MIA2: variants seen among roughly 807,000 people sequenced by gnomAD.
MIA2 encodes the protein melanoma inhibitory activity protein 2.
A neutral mutation model predicts 167.8 loss-of-function variants in MIA2; 127 were observed. The observed-to-expected ratio is 0.76, with a 90% CI of 0.66 to 0.88. The LOEUF (loss-of-function observed/expected upper bound fraction) is 0.88. MIA2 is among the 40% of genes least tolerant of loss of function. The probability of loss-of-function intolerance (pLI) is 0.00; values close to 1 mark genes in which losing one functional copy is unlikely to be tolerated. For missense variants in MIA2, 1,690 were observed against 1,624.7 expected (o/e 1.04, Z -0.69); for synonymous variants, 552 against 541.9 (o/e 1.02, Z -0.26).
At chr14:39,263,095 G>C (rs1041480000) in intron 6 of MIA2, among the ~76,000 whole-genome samples, 1 of 152,138 alleles carries the variant, frequency 6.6e-6, no homozygotes, top group Non-Finnish European at 1.5e-5. Flanking sequence ...TCTTGTGCCA[G>C]TTTTCAAAGG....
chr14:39,340,423 C>T (rs2071531012), intron 25 of MIA2, among the ~76,000 whole-genome samples: 1 of 152,176 alleles, frequency 6.6e-6, no homozygotes, highest in Non-Finnish European at 1.5e-5. Context: ...ACAGTTTTGA[C>T]TCTTTCCTTG....
intron 6 of MIA2, among the ~76,000 whole-genome samples, chr14:39,258,061 CTTGGGG>C (rs2054903411): frequency 6.6e-6 from 1 of 152,040 alleles, no homozygotes; most frequent in Non-Finnish European, 1.5e-5. Context: ...GATTATGTGT[CTTGGGG>C]TTGCTCTTCT....
chr14:39,291,164 A>G (rs764159496), intron 10 of MIA2, 68 bp downstream of exon 10: 1 of 1,368,466 alleles, frequency 7.3e-7, no homozygotes. Flanking sequence ...AACTTTAAAA[A>G]TGTATCTTCT....
chr14:39,265,838 A>G (rs894779133), intron 6 of MIA2: 1 of 311,982 alleles, frequency 3.2e-6, no homozygotes, highest in African/African-American at 2.3e-5. Context: ...CTATTCACAT[A>G]ATTTTAATAC....
intron 3 of MIA2, among the ~76,000 whole-genome samples, chr14:39,245,080 C>T (rs1408497551): frequency 3.8e-4 from 4 of 10,526 alleles, no homozygotes; most frequent in Non-Finnish European, 9.2e-4. Context: ...ACCTAGCTAA[C>T]CTTTTTTTTT....
intron 13 of MIA2, among the ~76,000 whole-genome samples, chr14:39,297,442 G>A (rs533620852): frequency 6.6e-6 from 1 of 152,188 alleles, no homozygotes; most frequent in Non-Finnish European, 1.5e-5. Context: ...TATCTGAAGA[G>A]CATTTCCACA....
chr14:39,238,494 A>G (rs1012033624), intron 2 of MIA2, among the ~76,000 whole-genome samples: 3 of 152,096 alleles, frequency 2.0e-5, no homozygotes, highest in Admixed American at 1.3e-4. Flanking sequence ...AGTTTTTTAT[A>G]GAAAAAAATA....
chr14:39,342,289 G>A (rs1196630961), intron 25 of MIA2, among the ~76,000 whole-genome samples: 2 of 151,448 alleles, frequency 1.3e-5, no homozygotes. Context: ...GCGATAGTTT[G>A]CTGAGAATGA....
In MIA2 at chr14:39,247,452, AACTAGC is replaced by A. The variant is rs1555343644; in HGVS notation, c.880_885del (p.Leu294_Ala295del). 6.2e-7 allele frequency: 1 copy of A among 1,614,014 alleles called. No homozygotes were observed. The highest frequency in any genetic ancestry group is 8.5e-7 in the Non-Finnish European group (1 of 1,179,980). On this transcript the variant is annotated inframe_deletion, in exon 4 of 29. Coordinates refer to ENST00000640607, the MANE Select transcript of MIA2 (RefSeq NM_001329214.4). Reference sequence around the variant, plus strand: ...GATTCAGTGCCAAAGACACAGTCTGAACTAGCATCTGAGTCAGAGCACATTCCCAAA... The same window carrying A: ...GATTCAGTGCCAAAGACACAGTCTGAATCTGAGTCAGAGCACATTCCCAAA...
intron 14 of MIA2, among the ~76,000 whole-genome samples, chr14:39,300,198 C>G (rs1411710283): frequency 6.6e-6 from 1 of 151,992 alleles, no homozygotes; most frequent in Non-Finnish European, 1.5e-5. Context: ...TCTGTGTGTC[C>G]TTTTTTCTTC....
downstream of MIA2, among the ~76,000 whole-genome samples, chr14:39,354,178 C>G (rs1256751410): frequency 6.6e-6 from 1 of 152,244 alleles, no homozygotes; most frequent in African/African-American, 2.4e-5. Flanking sequence ...TACAGTCCCA[C>G]TAACAGTGTA....
chr14:39,365,677 A>G (rs1391927478), intron 23 of MIA2, among the ~76,000 whole-genome samples: 2 of 150,828 alleles, frequency 1.3e-5, no homozygotes, highest in Non-Finnish European at 3.0e-5. Flanking sequence ...CTATCTATCT[A>G]TCTATCTATC....
chr14:39,293,220 C>T (rs753399630), intron 10 of MIA2, 51 bp from the exon 11 acceptor site: 27 of 1,205,652 alleles, frequency 2.2e-5, no homozygotes, highest in Non-Finnish European at 2.9e-5. Context: ...GTCTGATTTC[C>T]CTAATGAAAA....
At chr14:39,346,114 T>C in intron 26 of MIA2, 88 bp downstream of exon 26, 2 of 1,125,886 alleles carry the variant, frequency 1.8e-6, no homozygotes, top group Non-Finnish European at 2.6e-6. Context: ...ATATAATTGC[T>C]ATCTCTAGTA....
In MIA2 at chr14:39,368,741, T is replaced by C. The variant is rs569021654; in HGVS notation, c.2249-18144T>C. Among the ~76,000 whole-genome samples the C allele has an allele frequency of 6.5e-4, 99 of 151,862 alleles. 1 individual carries two copies. Among genetic ancestry groups the C allele is most frequent in the African/African-American group, 2.3e-3 (97 of 41,524 alleles). On this transcript the variant is annotated intron_variant, in intron 23 of 23. Transcript: ENST00000341502. ...ATAGGTAATTTAGTCTTTCAACTTT[T>C]GTTCTGAAAATTTTTTTCAATTATA... is the stretch of plus-strand genomic sequence containing the variant.
chr14:39,264,405 A>C (rs1369579709), intron 6 of MIA2, among the ~76,000 whole-genome samples: 2 of 152,228 alleles, frequency 1.3e-5, no homozygotes, highest in Admixed American at 1.3e-4. Flanking sequence ...TGCAATGAAC[A>C]TGAGAGTGCA....
At chr14:39,346,984 CA>C in intron 26 of MIA2, 1 of 229,894 alleles carries the variant, frequency 4.3e-6, no homozygotes, top group Non-Finnish European at 8.7e-6. Flanking sequence ...GACTGGAGTG[CA>C]GTGGCTCCAT....
At chr14:39,275,166 T>TGTGTGTGTGTGTGTGTGTGA (rs2057804325) in intron 6 of MIA2, among the ~76,000 whole-genome samples, 1 of 150,274 alleles carries the variant, frequency 6.7e-6, no homozygotes, top group Non-Finnish European at 1.5e-5. Context: ...TGTGTGTGTG[T>TGTGTGTGTGTGTGTGTGTGA]CAGAGTCCAG....
chr14:39,360,133 C>T (rs539803077), intron 23 of MIA2, among the ~76,000 whole-genome samples: 1 of 151,850 alleles, frequency 6.6e-6, no homozygotes, highest in Admixed American at 6.6e-5. Flanking sequence ...GAAACCCTGT[C>T]TCTACTAAAA....
Sources: gnomAD v4.1 joint callset for allele counts (sites outside exome capture counted in the v4.1 genomes callset) on GRCh38, gnomAD v4.1.1 for gene constraint, MANE v1.5 for transcripts, NCBI Gene and HGNC (gene_info 2026-07-23, HGNC 2026-07-21) for gene names.